Variants in APP observed in about 807,000 individuals in gnomAD.
The protein encoded by APP is amyloid beta precursor protein.
A neutral mutation model predicts 101.4 loss-of-function variants in APP; 31 were observed. The observed-to-expected ratio is 0.31, with a 90% CI of 0.23 to 0.41. APP has a LOEUF of 0.41. Among genes scored for constraint, APP ranks in the 10% least tolerant of loss-of-function variants. The pLI, the probability that APP is intolerant of heterozygous loss-of-function variation, is 1.00. For missense variants in APP, 839 were observed against 1,003.7 expected (o/e 0.84, Z 2.22); for synonymous variants, 366 against 364.4 (o/e 1.00, Z -0.05).
chr21:25,988,993 T>C (rs565784451), intron 8 of APP, among the ~76,000 whole-genome samples: 1 of 152,232 alleles, frequency 6.6e-6, no homozygotes, highest in East Asian at 1.9e-4. Flanking sequence ...CAGAGCTCTG[T>C]TTTCTGGGGT....
chr21:26,013,766 C>T (rs1351273758), intron 6 of APP, among the ~76,000 whole-genome samples: 2 of 152,074 alleles, frequency 1.3e-5, no homozygotes, highest in Non-Finnish European at 2.9e-5. Flanking sequence ...CTATATGGCT[C>T]TATTCCCTAG....
intron 2 of APP, among the ~76,000 whole-genome samples, chr21:26,092,678 C>A (rs2061850293): frequency 6.6e-6 from 1 of 152,052 alleles, no homozygotes; most frequent in Admixed American, 6.6e-5. Flanking sequence ...AAACTATGGA[C>A]TTTGGGTGCT....
chr21:26,049,607 T>C (rs911591126), intron 5 of APP, among the ~76,000 whole-genome samples: 3 of 152,194 alleles, frequency 2.0e-5, no homozygotes, highest in African/African-American at 4.8e-5. Flanking sequence ...CTTGATACTT[T>C]AGAAATCCCA....
chr21:25,946,242 T>G (rs1169256200), intron 13 of APP, among the ~76,000 whole-genome samples: 1 of 152,160 alleles, frequency 6.6e-6, no homozygotes, highest in African/African-American at 2.4e-5. Context: ...AAATTGAAAA[T>G]TTTTGTGTGT....
At chr21:26,002,744 A>C (rs2043352821) in intron 6 of APP, among the ~76,000 whole-genome samples, 1 of 152,194 alleles carries the variant, frequency 6.6e-6, no homozygotes, top group Admixed American at 6.5e-5. Context: ...ATGCCTTGGC[A>C]ATTTATGCTG....
At chr21:25,996,200 T>C (rs1305819110) in intron 8 of APP, among the ~76,000 whole-genome samples, 1 of 152,206 alleles carries the variant, frequency 6.6e-6, no homozygotes, top group East Asian at 1.9e-4. Flanking sequence ...AGGCCTGCAG[T>C]GGCTGGACAA....
At chr21:26,032,804 A>AT (rs1435719505) in intron 5 of APP, among the ~76,000 whole-genome samples, 1,938 of 128,644 alleles carry the variant, frequency 0.015, 32 homozygotes, top group African/African-American at 0.04. Flanking sequence ...GAAAAAAAAA[A>AT]AATATATATA....
chr21:25,939,451 T>G (rs1215319429), intron 13 of APP, among the ~76,000 whole-genome samples: 2 of 152,250 alleles, frequency 1.3e-5, no homozygotes, highest in African/African-American at 4.8e-5. Flanking sequence ...CTAAAGGATC[T>G]ACTTCACACT....
At chr21:25,980,285 C>A (rs896145979) in intron 9 of APP, among the ~76,000 whole-genome samples, 2 of 152,156 alleles carry the variant, frequency 1.3e-5, no homozygotes, top group Non-Finnish European at 2.9e-5. Context: ...TCTTTTTTTA[C>A]GACTTCATGT....
chr21:26,130,479 C>T (rs1266660699), intron 1 of APP, among the ~76,000 whole-genome samples: 2 of 152,232 alleles, frequency 1.3e-5, no homozygotes, highest in African/African-American at 4.8e-5. Context: ...TTGGCCATGA[C>T]AACTGTGGCT....
At chr21:25,947,632 G>A (rs1175497326) in intron 13 of APP, among the ~76,000 whole-genome samples, 5 of 152,136 alleles carry the variant, frequency 3.3e-5, no homozygotes, top group South Asian at 2.1e-4. Context: ...AATAACACTA[G>A]GGAAAATATG....
chr21:26,102,985 T>C (rs1175594664), intron 2 of APP, among the ~76,000 whole-genome samples: 2 of 151,714 alleles, frequency 1.3e-5, no homozygotes, highest in African/African-American at 4.8e-5. Flanking sequence ...TTGCTTCTAG[T>C]ATAAATAACA....
intron 1 of APP, among the ~76,000 whole-genome samples, chr21:26,119,860 T>G (rs534076933): frequency 6.6e-6 from 1 of 152,208 alleles, no homozygotes; most frequent in African/African-American, 2.4e-5. Flanking sequence ...TTGAATGGCA[T>G]TCACTGAAAT....
chr21:26,147,389 A>G (rs2063175396), intron 1 of APP, among the ~76,000 whole-genome samples: 1 of 152,226 alleles, frequency 6.6e-6, no homozygotes, highest in Non-Finnish European at 1.5e-5. Context: ...GCTACTGTGG[A>G]AGGTCAAACT....
chr21:25,924,568 C>T (rs2039800451), intron 13 of APP, among the ~76,000 whole-genome samples: 2 of 151,778 alleles, frequency 1.3e-5, no homozygotes, highest in South Asian at 4.2e-4. Context: ...ACAATGAGAA[C>T]ACATGGACAC....
At chr21:25,977,682 T>C (rs898700051) in intron 9 of APP, among the ~76,000 whole-genome samples, 2 of 152,246 alleles carry the variant, frequency 1.3e-5, no homozygotes, top group Non-Finnish European at 2.9e-5. Flanking sequence ...GGAATAAATA[T>C]TTCATTACAC....
At chr21:26,078,579 T>C (rs1325666734) in intron 3 of APP, among the ~76,000 whole-genome samples, 1 of 152,242 alleles carries the variant, frequency 6.6e-6, no homozygotes, top group African/African-American at 2.4e-5. Flanking sequence ...AATAGCTGTC[T>C]GTACCACTCT....
chr21:25,900,262 G>T (rs534085946), intron 15 of APP, among the ~76,000 whole-genome samples: 1 of 151,988 alleles, frequency 6.6e-6, no homozygotes, highest in Admixed American at 6.6e-5. Flanking sequence ...GCCAAGCACG[G>T]TGGCTCACGC....
intron 13 of APP, among the ~76,000 whole-genome samples, chr21:25,920,737 A>C (rs1307089179): frequency 6.7e-6 from 1 of 148,728 alleles, no homozygotes; most frequent in East Asian, 2.0e-4. Flanking sequence ...GCAAGTCCTG[A>C]GTGACCTACA....
Sources: gnomAD v4.1 joint callset for allele counts (sites outside exome capture counted in the v4.1 genomes callset) on GRCh38, gnomAD v4.1.1 for gene constraint, MANE v1.5 for transcripts, NCBI Gene and HGNC (gene_info 2026-07-23, HGNC 2026-07-21) for gene names.